Variants in NHSL2 observed in about 807,000 individuals in gnomAD.
The protein encoded by NHSL2 is NHS-like protein 2.
In NHSL2, 27 loss-of-function variants were observed where a neutral mutation model predicts 53.4. The ratio of observed to expected loss-of-function variants is 0.51; its 90% CI spans 0.37 to 0.70. NHSL2 has a LOEUF of 0.70. Among genes scored for constraint, NHSL2 ranks in the 30% least tolerant of loss-of-function variants. NHSL2 has a pLI of 0.00. For missense variants in NHSL2, 892 were observed against 980.1 expected (o/e 0.91, Z 1.20); for synonymous variants, 408 against 404.1 (o/e 1.01, Z -0.12).
intron 1 of NHSL2, among the ~76,000 whole-genome samples, chrX:71,955,271 G>A (rs1340788293): frequency 8.9e-6 from 1 of 111,935 alleles, no homozygotes; most frequent in Non-Finnish European, 1.9e-5. Context: ...AAATGGTTGT[G>A]ATGAGATTGA....
intron 1 of NHSL2, among the ~76,000 whole-genome samples, chrX:72,121,791 T>C (rs981216435): frequency 3.6e-5 from 4 of 112,130 alleles, no homozygotes; most frequent in African/African-American, 1.3e-4. Flanking sequence ...GAAGATTAGT[T>C]GATCTTTTCT....
intron 1 of NHSL2, among the ~76,000 whole-genome samples, chrX:72,042,526 T>C (rs146935163): frequency 9.0e-6 from 1 of 111,561 alleles, no homozygotes; most frequent in Non-Finnish European, 1.9e-5. Flanking sequence ...TCTGTCTTCT[T>C]TGCTTGTGAG....
Position 72,130,650 on chromosome X carries a change from C to T in NHSL2, c.281-1429C>T, listed in dbSNP as rs188083554. On this transcript the variant is annotated intron_variant, in intron 1 of 7. Coordinates refer to ENST00000633930, the MANE Select transcript of NHSL2 (RefSeq NM_001013627.3). ...CCACACATTCGAGAATCAGCTCATCCAGGTCGGCCATTTCTGTTGACCATA... is the reference window on the plus strand; with the variant it reads ...CCACACATTCGAGAATCAGCTCATCTAGGTCGGCCATTTCTGTTGACCATA... 1.2e-4 allele frequency: 145 copies of T among 1,210,162 alleles called. No individual in the cohort carries two copies. The African/African-American group carries it at 2.3e-3, about 20-fold the overall frequency.
chrX:72,034,482 A>T (rs935643460), intron 1 of NHSL2, among the ~76,000 whole-genome samples: 4 of 111,644 alleles, frequency 3.6e-5, no homozygotes, highest in Admixed American at 1.9e-4. Context: ...TATTTTCTGT[A>T]AGAGACTGTG....
At chrX:71,971,940 T>C (rs1310745371) in intron 1 of NHSL2, among the ~76,000 whole-genome samples, 1 of 111,951 alleles carries the variant, frequency 8.9e-6, no homozygotes, top group African/African-American at 3.2e-5. Context: ...TGCTATCTAA[T>C]GTCACTCCCT....
intron 1 of NHSL2, among the ~76,000 whole-genome samples, chrX:72,048,980 G>A (rs1265707135): frequency 1.0e-5 from 1 of 98,972 alleles, no homozygotes; most frequent in African/African-American, 3.7e-5. Flanking sequence ...AGGAGGAGAA[G>A]AAGGAGGAGA....
rs5991851 is a variant in NHSL2 at position 71,964,230 on chromosome X, C to G, written c.280+52863C>G. Among the ~76,000 whole-genome samples the G allele has an allele frequency of 2.6e-3, 251 of 95,156 alleles. 1 individual carries two copies. Among genetic ancestry groups the G allele is most frequent in the African/African-American group, 9.3e-3 (241 of 25,903 alleles). 82.6% of individuals were successfully genotyped at this position (95,156 alleles called of 115,157 possible). On this transcript the variant is annotated intron_variant, in intron 1 of 7. Transcript: ENST00000633930. The stretch of plus-strand genomic sequence containing the variant: ...CCCTCCCCTAGCCCCCCACCCCCAA[C>G]AGGCCCTGGTGTGTGATGTTCCCCT...
At chrX:71,993,844 GA>G (rs1396909689) in intron 1 of NHSL2, among the ~76,000 whole-genome samples, 1 of 107,480 alleles carries the variant, frequency 9.3e-6, no homozygotes, top group African/African-American at 3.4e-5. Context: ...CATTACTTTT[GA>G]AAACACTATG....
At chrX:72,052,330 C>T (rs983754549) in intron 1 of NHSL2, among the ~76,000 whole-genome samples, 2 of 112,513 alleles carry the variant, frequency 1.8e-5, no homozygotes, top group African/African-American at 6.5e-5. Flanking sequence ...TCCCCAGTGC[C>T]TGGCACCAAC....
intron 1 of NHSL2, among the ~76,000 whole-genome samples, chrX:71,972,320 C>A (rs2041928792): frequency 1.8e-5 from 2 of 112,105 alleles, no homozygotes; most frequent in African/African-American, 6.5e-5. Flanking sequence ...AAGGCATGAG[C>A]CACCGCGCCC....
chrX:72,129,932 G>T, intron 1 of NHSL2: 1 of 1,211,148 alleles, frequency 8.3e-7, no homozygotes, highest in African/African-American at 1.7e-5. Flanking sequence ...TGTCCTAAAC[G>T]ACCTGTGCGG....
At chrX:72,106,251 T>TAC (rs148976162) in intron 1 of NHSL2, among the ~76,000 whole-genome samples, 4,426 of 105,891 alleles carry the variant, frequency 0.042, 98 homozygotes, top group African/African-American at 0.056. Context: ...ATTCCCTCAT[T>TAC]ACACACACAC....
chrX:71,911,924 GTGTC>G (rs1209797224), intron 1 of NHSL2, among the ~76,000 whole-genome samples: 32 of 111,934 alleles, frequency 2.9e-4, no homozygotes, highest in African/African-American at 9.7e-4. Context: ...ACTCACAGGA[GTGTC>G]TGAGCGTCCT....
intron 1 of NHSL2, among the ~76,000 whole-genome samples, chrX:71,913,715 C>T (rs2041615018): frequency 8.9e-6 from 1 of 112,313 alleles, no homozygotes. Context: ...TGACAGCTGA[C>T]AGGCCAGCAG....
Position 72,098,040 on chromosome X carries a change from G to A in NHSL2, c.281-34039G>A, listed in dbSNP as rs186338164. ...AATTGCTAGGAAGAAATGGTAGGAT[G>A]TATTTCCACTAGGTAGGTCTCTTTC... is the stretch of plus-strand genomic sequence containing the variant. On this transcript the variant is annotated intron_variant, in intron 1 of 7. Transcript: ENST00000633930. Among the ~76,000 whole-genome samples the A allele has an allele frequency of 2.3e-3, 262 of 112,277 alleles. 2 individuals carry two copies. Among genetic ancestry groups the A allele is most frequent in the Middle Eastern group, 4.7e-3 (1 of 213 alleles).
intron 1 of NHSL2, among the ~76,000 whole-genome samples, chrX:72,043,103 T>C (rs1334334188): frequency 9.0e-6 from 1 of 111,417 alleles, no homozygotes; most frequent in African/African-American, 3.3e-5. Context: ...AAGATGGGCA[T>C]GGCCACACAC....
At position 72,147,514 on chromosome X, in the gene NHSL2, G is replaced by A. The variant is rs1457820001; in HGVS notation, c.*3940G>A. ...GCTACCTATTTTTCCATTGCTATAA[G>A]TCTTTGTGTGCCTATACATTAAAGA... On this transcript the variant is annotated 3_prime_UTR_variant, in exon 8 of 8. Transcript: ENST00000633930. The A allele has an allele frequency of 8.9e-6, 1 of 112,419 alleles. No individual in the cohort carries two copies. Among genetic ancestry groups the A allele is most frequent in the African/African-American group, 3.2e-5 (1 of 30,908 alleles). The allele number at this position is 112,419 out of a possible 1,213,427, so 9.3% of individuals were successfully genotyped here.
intron 1 of NHSL2, among the ~76,000 whole-genome samples, chrX:72,018,001 C>T (rs948387536): frequency 5.4e-5 from 6 of 111,823 alleles, no homozygotes; most frequent in African/African-American, 2.0e-4. Flanking sequence ...AGCTTTCGAA[C>T]TCACAGCTCT....
chrX:72,025,878 C>T (rs976709861), intron 1 of NHSL2, among the ~76,000 whole-genome samples: 3 of 112,103 alleles, frequency 2.7e-5, no homozygotes, highest in Non-Finnish European at 3.8e-5. Flanking sequence ...TGTTTGTGTA[C>T]TCTTGGACCC....
Sources: allele counts gnomAD v4.1 joint callset (sites outside exome capture counted in the v4.1 genomes callset), GRCh38; gene constraint gnomAD v4.1.1; transcripts MANE v1.5; gene names NCBI Gene and HGNC (gene_info 2026-07-23, HGNC 2026-07-21).